Variants in SLC38A1 observed in about 807,000 individuals in gnomAD.
SLC38A1 encodes sodium-coupled neutral amino acid symporter 1.
SLC38A1 carries 18 observed loss-of-function variants against 60.3 expected under a neutral mutation model. That is an observed-to-expected ratio of 0.30 (90% CI 0.21 to 0.44). SLC38A1 has a LOEUF of 0.44. SLC38A1 is among the 20% of genes least tolerant of loss of function. The pLI is 1.00. For synonymous variants in SLC38A1, 196 were observed against 212.1 expected, an observed-to-expected ratio of 0.92 and a Z score of 0.66; for missense variants, 448 against 587.2, an observed-to-expected ratio of 0.76 and a Z score of 2.45.
At chr12:46,254,336 A>G (rs1941953252) in intron 1 of SLC38A1, among the ~76,000 whole-genome samples, 1 of 152,246 alleles carries the variant, frequency 6.6e-6, no homozygotes, top group Admixed American at 6.5e-5. Flanking sequence ...AGTGTAGCAT[A>G]ATTCTTGAAA....
In SLC38A1 at chr12:46,183,081, T is replaced by C. The variant is rs1938820739; in HGVS notation, c.*5889A>G. On this transcript the variant is annotated 3_prime_UTR_variant, in exon 17 of 17. Transcript: ENST00000398637. ...TTTTAAATACTTTTAGTTCACATTT[T>C]TTAATGTTTAAAAACTATGTTAACA... 6.6e-6 allele frequency: 1 copy of C among 152,604 alleles called. No individual in the cohort carries two copies. Among genetic ancestry groups the C allele is most frequent in the African/African-American group, 2.4e-5 (1 of 41,446 alleles). The allele number at this position is 152,604 out of a possible 1,614,324, so 9.5% of individuals were successfully genotyped here. A position where few individuals can be genotyped will look rare whatever the true frequency, so the allele number is the denominator to read the frequency against.
intron 1 of SLC38A1, among the ~76,000 whole-genome samples, chr12:46,255,381 C>G (rs2138816748): frequency 6.6e-6 from 1 of 152,304 alleles, no homozygotes; most frequent in Non-Finnish European, 1.5e-5. Flanking sequence ...ACTCCAATGT[C>G]TAACTTATGG....
chr12:46,235,124 A>G (rs1425564252), intron 3 of SLC38A1, among the ~76,000 whole-genome samples: 1 of 152,238 alleles, frequency 6.6e-6, no homozygotes, highest in Non-Finnish European at 1.5e-5. Context: ...AAAATGATGT[A>G]AGCTGTTATA....
intron 13 of SLC38A1, among the ~76,000 whole-genome samples, chr12:46,199,307 T>TTG (rs71067986): frequency 0.012 from 1,458 of 125,248 alleles, 16 homozygotes; most frequent in Non-Finnish European, 0.017. Flanking sequence ...ATGTACTACT[T>TTG]TGTGTGTGTG....
At chr12:46,230,806 T>G (rs1162462991) in intron 3 of SLC38A1, among the ~76,000 whole-genome samples, 1 of 152,192 alleles carries the variant, frequency 6.6e-6, no homozygotes, top group African/African-American at 2.4e-5. Context: ...CAGCAGATGT[T>G]GGCGAGGATG....
intron 1 of SLC38A1, among the ~76,000 whole-genome samples, chr12:46,256,278 T>C (rs1942019414): frequency 6.6e-6 from 1 of 151,922 alleles, no homozygotes; most frequent in Admixed American, 6.6e-5. Context: ...TTACCAGTAA[T>C]CTTTAAAACT....
chr12:46,226,587 A>C (rs117269049), intron 5 of SLC38A1, among the ~76,000 whole-genome samples: 3,847 of 151,238 alleles, frequency 0.025, 76 homozygotes, highest in Admixed American at 0.033. Context: ...TAATGTAAAA[A>C]AATTTCCCAA....
In SLC38A1 at chr12:46,234,779, C is replaced by G. The variant is rs572068826; in HGVS notation, c.122+4900G>C. ...AACTAACTTTTTGTAATGGAAAATT[C>G]CATTCAAAATAACTGGGTCAAGCAG... is the stretch of plus-strand genomic sequence containing the variant. On this transcript the variant is annotated intron_variant, in intron 3 of 16. Coordinates refer to ENST00000398637, the MANE Select transcript of SLC38A1 (RefSeq NM_030674.4). Among the ~76,000 whole-genome samples the G allele has an allele frequency of 3.3e-4, 51 of 152,246 alleles. No homozygotes were observed. The South Asian group carries it at 0.01, about 30-fold the overall frequency.
intron 1 of SLC38A1, among the ~76,000 whole-genome samples, chr12:46,251,525 C>T (rs1234165731): frequency 6.6e-6 from 1 of 152,120 alleles, no homozygotes; most frequent in Non-Finnish European, 1.5e-5. Flanking sequence ...AGCTTCAGCA[C>T]AGCAAAAGAA....
Position 46,239,681 on chromosome 12 carries a change from A to G in SLC38A1, c.120T>C (p.Asn40=). The G allele has an allele frequency of 6.2e-7, 1 of 1,613,636 alleles. No individual in the cohort carries two copies. The highest frequency in any genetic ancestry group is 8.5e-7 in the Non-Finnish European group (1 of 1,179,894). The stretch of plus-strand genomic sequence containing the variant: ...AATGTTAGTGGAAAAATACTCACCT[A>G]TTTATCTGACCATTTTCTACTTCGG... The part of the protein sequence containing the change: ...DFTEVENGQI[N]SKFISDRESR... The change falls in exon 3 of 17, where the codon AAT becomes AAC. Residue 40 remains asparagine, a splice_region_variant and synonymous_variant. Coordinates refer to ENST00000398637, the MANE Select transcript of SLC38A1 (RefSeq NM_030674.4).
At chr12:46,205,863 C>T (rs973577663) in intron 9 of SLC38A1, among the ~76,000 whole-genome samples, 19 of 152,168 alleles carry the variant, frequency 1.2e-4, no homozygotes, top group Admixed American at 8.5e-4. Flanking sequence ...CCCTTCTCCC[C>T]TCCACAGCTC....
At chr12:46,197,385 G>A (rs981548244) in intron 16 of SLC38A1, 5 of 178,656 alleles carry the variant, frequency 2.8e-5, no homozygotes, top group African/African-American at 4.7e-5. Context: ...GGTGGCGGGC[G>A]CCTGTAGTCC....
At chr12:46,205,011 G>T (rs1939829921) in intron 9 of SLC38A1, among the ~76,000 whole-genome samples, 1 of 152,152 alleles carries the variant, frequency 6.6e-6, no homozygotes, top group South Asian at 2.1e-4. Flanking sequence ...CACTTATTGT[G>T]TGCATACTGA....
rs1031979942 is a variant in SLC38A1 at position 46,268,679 on chromosome 12, C to T, written c.-362G>A. ...CCGTCAGTAAGGGTTGGGCAGGGAG[C>T]TTGGCGTGGCCTGGCGGATTTCGGA... On this transcript the variant is annotated 5_prime_UTR_variant, in exon 1 of 17. Transcript: ENST00000398637. The surrounding 1 kb of genome is among the most constrained non-coding windows in gnomAD (Gnocchi z 4.4). 1.0e-5 allele frequency: 3 copies of T among 286,486 alleles called. No individual in the cohort carries two copies. The highest frequency in any genetic ancestry group is 2.2e-5 in the Non-Finnish European group (3 of 134,202). The allele number at this position is 286,486 out of a possible 1,614,324, so 17.7% of individuals were successfully genotyped here.
intron 6 of SLC38A1, among the ~76,000 whole-genome samples, chr12:46,208,589 GC>G (rs559363705): frequency 8.3e-4 from 126 of 152,276 alleles, no homozygotes; most frequent in African/African-American, 2.9e-3. Flanking sequence ...GTATTACACT[GC>G]CCAGAGTACT....
chr12:46,263,758 C>A lies in SLC38A1; in HGVS notation c.-209+4768G>T, dbSNP rs80025134. ...AATCTTCATGTGGCTCTGGCTGTAT[C>A]ACTGGACAGGCGTCTATGCCTGGGA... On this transcript the variant is annotated intron_variant, in intron 1 of 16. Transcript: ENST00000398637. Among the ~76,000 whole-genome samples, 229 of 152,252 alleles carry A rather than the reference C, an allele frequency of 1.5e-3. 1 individual carries two copies. The highest frequency in any genetic ancestry group is 5.1e-3 in the African/African-American group (210 of 41,528).
intron 11 of SLC38A1, among the ~76,000 whole-genome samples, chr12:46,204,013 T>C (rs1276768258): frequency 6.6e-6 from 1 of 152,178 alleles, no homozygotes; most frequent in South Asian, 2.1e-4. Context: ...GAGCTAAGGA[T>C]GTTGTTAGTC....
chr12:46,220,036 C>T (rs960117), intron 5 of SLC38A1, among the ~76,000 whole-genome samples: 130,235 of 152,286 alleles, frequency 0.86, 56,038 homozygotes, highest in African/African-American at 0.96. Context: ...GCATCACAGA[C>T]GACTCATAAA....
At chr12:46,199,789 T>A (rs749107741) in intron 13 of SLC38A1, among the ~76,000 whole-genome samples, 33 of 152,110 alleles carry the variant, frequency 2.2e-4, no homozygotes, top group Non-Finnish European at 4.6e-4. Flanking sequence ...TAATTTCCCC[T>A]CCTGTCTCCT....
Sources: allele counts gnomAD v4.1 joint callset (sites outside exome capture counted in the v4.1 genomes callset), GRCh38; gene constraint gnomAD v4.1.1; non-coding constraint Gnocchi (gnomAD v3.1); transcripts MANE v1.5; gene names NCBI Gene and HGNC (gene_info 2026-07-23, HGNC 2026-07-21).